The following VPS41 variants were observed in gnomAD, a reference collection of about 807,000 sequenced individuals.
The protein encoded by VPS41 is vacuolar protein sorting-associated protein 41 homolog.
VPS41 carries 85 observed loss-of-function variants against 130.9 expected under a neutral mutation model. That is an observed-to-expected ratio of 0.65 (90% confidence interval 0.55 to 0.78). VPS41 has a LOEUF of 0.78. Ranked by LOEUF, VPS41 falls within the 30% of genes least tolerant of loss-of-function variation. The probability of loss-of-function intolerance (pLI) is 0.00; values close to 1 mark genes in which losing one functional copy is unlikely to be tolerated. For synonymous variants in VPS41, 335 were observed against 332.9 expected (o/e 1.01, Z -0.07); for missense variants, 874 against 1,018.7 (o/e 0.86, Z 1.93).
intron 17 of VPS41, among the ~76,000 whole-genome samples, chr7:38,761,258 C>CCT (rs1165869964): frequency 6.5e-5 from 6 of 92,116 alleles, no homozygotes; most frequent in Non-Finnish European, 8.9e-5. Flanking sequence ...TCTCTCTCTT[C>CCT]CTCTCTTTTT....
chr7:38,763,015 A>C (rs576752306), intron 17 of VPS41, among the ~76,000 whole-genome samples: 1 of 152,272 alleles, frequency 6.6e-6, no homozygotes, highest in South Asian at 2.1e-4. Context: ...TAAAAACAAT[A>C]AATTTTTTTA....
chr7:38,771,246 C>T lies in VPS41; in HGVS notation c.1137G>A (p.Leu379=). 2 of 1,584,044 alleles carry T rather than the reference C, an allele frequency of 1.3e-6. No individual in the cohort carries two copies. The highest frequency in any genetic ancestry group is 2.2e-5 in the South Asian group (2 of 89,686). ...LLEKKKYEEA[L]MAAEISQKNI... is the part of the protein sequence containing the mutation. ...TTTTTTGGCTAATTTCAGCTGCCAT[C>T]AATGCTTCCTTTATTCCAAACATAA... The change falls in exon 14 of 29, where the codon TTG becomes TTA. Residue 379 remains leucine (L), a synonymous_variant. Coordinates refer to ENST00000310301, the MANE Select transcript of VPS41 (RefSeq NM_014396.4).
intron 27 of VPS41, 197 bp downstream of exon 27, chr7:38,728,345 G>A: frequency 5.5e-6 from 4 of 730,184 alleles, no homozygotes; most frequent in Non-Finnish European, 9.8e-6. Flanking sequence ...ACTCACCCTA[G>A]AGCTTGAGAA....
At chr7:38,755,006 A>G in intron 19 of VPS41, 70 bp from the exon 20 acceptor site, 1 of 1,432,676 alleles carries the variant, frequency 7.0e-7, no homozygotes, top group East Asian at 2.3e-5. Context: ...AACACAATGC[A>G]GTGTACCTAC....
At chr7:38,728,252 C>T (rs115393518) in intron 27 of VPS41, 206 of 581,986 alleles carry the variant, frequency 3.5e-4, no homozygotes, top group African/African-American at 3.3e-3. Context: ...TCAGTTCCTG[C>T]CCTGGAAGTT....
chr7:38,765,034 G>A (rs1271004234), intron 16 of VPS41, among the ~76,000 whole-genome samples: 1 of 152,108 alleles, frequency 6.6e-6, no homozygotes, highest in African/African-American at 2.4e-5. Flanking sequence ...AACTTGAAGA[G>A]AGCATTCAAA....
At chr7:38,747,877 A>G (rs1796018004) in intron 22 of VPS41, among the ~76,000 whole-genome samples, 1 of 152,196 alleles carries the variant, frequency 6.6e-6, no homozygotes, top group Non-Finnish European at 1.5e-5. Flanking sequence ...ATATACTTTC[A>G]AAAAGGAAGT....
At chr7:38,881,397 C>G (rs375666675) in intron 2 of VPS41, among the ~76,000 whole-genome samples, 71 of 152,316 alleles carry the variant, frequency 4.7e-4, no homozygotes, top group African/African-American at 1.6e-3. Context: ...TCCAGATAAT[C>G]TCACTCTCCT....
At chr7:38,752,084 A>G in intron 22 of VPS41, 92 bp downstream of exon 22, 1 of 1,547,246 alleles carries the variant, frequency 6.5e-7, no homozygotes, top group East Asian at 2.3e-5. Flanking sequence ...GGGACAGATG[A>G]ACAGAGATAG....
At chr7:38,754,627 C>G in intron 21 of VPS41, 75 bp downstream of exon 21, 1 of 1,226,280 alleles carries the variant, frequency 8.2e-7, no homozygotes, top group Non-Finnish European at 1.2e-6. Flanking sequence ...CCAGTATCCT[C>G]CTCGCACCAA....
At chr7:38,790,365 T>C (rs1784513708) in intron 9 of VPS41, among the ~76,000 whole-genome samples, 3 of 152,220 alleles carry the variant, frequency 2.0e-5, no homozygotes, top group Admixed American at 6.5e-5. Flanking sequence ...TAATTCAATA[T>C]GTTATTTAAA....
At chr7:38,759,966 C>A (rs1476348454) in intron 17 of VPS41, among the ~76,000 whole-genome samples, 1 of 152,164 alleles carries the variant, frequency 6.6e-6, no homozygotes, top group African/African-American at 2.4e-5. Flanking sequence ...CCTCCTTCCA[C>A]TTTGGCTTCT....
intron 3 of VPS41, among the ~76,000 whole-genome samples, 193 bp from the exon 4 acceptor site, chr7:38,862,815 T>C (rs1420962543): frequency 6.6e-6 from 1 of 152,208 alleles, no homozygotes; most frequent in African/African-American, 2.4e-5. Flanking sequence ...TTTATTGTGA[T>C]AGTGCAAGCC....
chr7:38,838,843 G>A (rs1003958446), intron 4 of VPS41, among the ~76,000 whole-genome samples: 4 of 152,222 alleles, frequency 2.6e-5, no homozygotes, highest in East Asian at 1.9e-4. Context: ...ATAAATTCAC[G>A]GTCATTTCGA....
intron 22 of VPS41, among the ~76,000 whole-genome samples, chr7:38,751,846 G>C (rs1264916851): frequency 6.6e-6 from 1 of 152,194 alleles, no homozygotes; most frequent in Non-Finnish European, 1.5e-5. Flanking sequence ...TCTTGACTCT[G>C]AGGTGTCACT....
In VPS41 at chr7:38,877,556, A is replaced by G. The variant is rs1165091747; in HGVS notation, c.61-8303T>C. Among the ~76,000 whole-genome samples, 9 of 152,306 alleles carry G rather than the reference A, an allele frequency of 5.9e-5. No homozygotes were observed. In the East Asian group the frequency reaches 1.5e-3, roughly 26 times the overall value. Reference sequence around the variant, plus strand: ...GTTATACGAAAAAGGAAAATGCTGAAGCTCTTCAAATTATTTTGTTTGAGA... The same window carrying G: ...GTTATACGAAAAAGGAAAATGCTGAGGCTCTTCAAATTATTTTGTTTGAGA... On this transcript the variant is annotated intron_variant, in intron 2 of 28. Coordinates refer to ENST00000310301, the MANE Select transcript of VPS41 (RefSeq NM_014396.4).
intron 14 of VPS41, among the ~76,000 whole-genome samples, chr7:38,767,868 C>T (rs1436577642): frequency 6.6e-6 from 1 of 151,756 alleles, no homozygotes; most frequent in Non-Finnish European, 1.5e-5. Flanking sequence ...CCTAATCTGC[C>T]CCCTTTAAGA....
At chr7:38,871,276 G>A (rs1786352717) in intron 2 of VPS41, among the ~76,000 whole-genome samples, 1 of 152,216 alleles carries the variant, frequency 6.6e-6, no homozygotes, top group Non-Finnish European at 1.5e-5. Context: ...GCCTATGGAA[G>A]ATTATAAGAC....
intron 2 of VPS41, among the ~76,000 whole-genome samples, chr7:38,894,289 C>T (rs1413263764): frequency 2.0e-5 from 3 of 152,172 alleles, no homozygotes; most frequent in Non-Finnish European, 2.9e-5. Context: ...CCAAAGTCTT[C>T]AAAGGCTCAA....
Sources: allele counts gnomAD v4.1 joint callset (sites outside exome capture counted in the v4.1 genomes callset), GRCh38; gene constraint gnomAD v4.1.1; transcripts MANE v1.5; gene names NCBI Gene and HGNC (gene_info 2026-07-23, HGNC 2026-07-21).